Variants in PXDNL observed in about 807,000 individuals in gnomAD.
The protein encoded by PXDNL is probable oxidoreductase PXDNL.
A neutral mutation model predicts 150.8 loss-of-function variants in PXDNL; 145 were observed. The ratio of observed to expected loss-of-function variants is 0.96; its 90% CI spans 0.84 to 1.10. The LOEUF (loss-of-function observed/expected upper bound fraction) is 1.10. PXDNL is among the 50% of genes least tolerant of loss of function. The pLI is 0.00. For missense variants in PXDNL, 2,087 were observed against 1,873.9 expected (o/e 1.11, Z -2.10); for synonymous variants, 757 against 725.7 (o/e 1.04, Z -0.69).
rs780805670 is a variant in PXDNL, at chr8:51,409,588, A to T, written c.2063-27T>A. The T allele has an allele frequency of 1.1e-5, 17 of 1,509,634 alleles. No individual in the cohort carries two copies. In the African/African-American group the frequency reaches 2.1e-4, roughly 19 times the overall value. 93.5% of individuals were successfully genotyped at this position (1,509,634 alleles called of 1,614,324 possible). On this transcript the variant is annotated intron_variant, in intron 16 of 22. Coordinates refer to ENST00000356297, the MANE Select transcript of PXDNL (RefSeq NM_144651.5). ...TGAAAGGCAAGCGGCGAAAGCCGTG[A>T]GGAGGGCGGGCCTGGGAGGGCGCGG...
intron 12 of PXDNL, among the ~76,000 whole-genome samples, chr8:51,433,269 A>C: frequency 6.6e-6 from 1 of 150,510 alleles, no homozygotes; most frequent in Non-Finnish European, 1.5e-5. Flanking sequence ...CTAACATTTC[A>C]TCTTTAAAAA....
intron 2 of PXDNL, among the ~76,000 whole-genome samples, chr8:51,634,769 C>T (rs1043210058): frequency 2.0e-5 from 3 of 151,978 alleles, no homozygotes; most frequent in Non-Finnish European, 4.4e-5. Flanking sequence ...CTTGATATGG[C>T]TCCCGGTTTG....
intron 2 of PXDNL, among the ~76,000 whole-genome samples, chr8:51,623,218 G>T (rs1365293780): frequency 1.2e-4 from 18 of 152,166 alleles, no homozygotes; most frequent in African/African-American, 3.9e-4. Flanking sequence ...ATTCCCCAGG[G>T]CAGGGAACAG....
chr8:51,577,903 G>A (rs1813093124), intron 3 of PXDNL, among the ~76,000 whole-genome samples: 1 of 126,370 alleles, frequency 7.9e-6, no homozygotes, highest in Admixed American at 8.0e-5. Flanking sequence ...AAATAAGAAA[G>A]AAAGAGAAAG....
At chr8:51,654,140 T>G (rs1288413714) in intron 2 of PXDNL, among the ~76,000 whole-genome samples, 2 of 152,222 alleles carry the variant, frequency 1.3e-5, no homozygotes, top group Non-Finnish European at 2.9e-5. Flanking sequence ...TAGATACTGT[T>G]AAGTGAATAA....
chr8:51,712,572 T>C (rs2130902031), intron 1 of PXDNL, among the ~76,000 whole-genome samples: 1 of 152,352 alleles, frequency 6.6e-6, no homozygotes, highest in Non-Finnish European at 1.5e-5. Flanking sequence ...TAATTAACAT[T>C]TGTTGAATAA....
At chr8:51,535,110 C>T (rs1276673739) in intron 4 of PXDNL, among the ~76,000 whole-genome samples, 3 of 122,108 alleles carry the variant, frequency 2.5e-5, no homozygotes, top group Non-Finnish European at 4.9e-5. Flanking sequence ...GTCAGCCCCC[C>T]GCCCGGCCAG....
intron 8 of PXDNL, among the ~76,000 whole-genome samples, chr8:51,459,189 G>C (rs1052657443): frequency 6.6e-6 from 1 of 152,168 alleles, no homozygotes; most frequent in Non-Finnish European, 1.5e-5. Context: ...CAGCACTTTG[G>C]GAGGCCAAGG....
At chr8:51,571,802 T>A (rs941898602) in intron 3 of PXDNL, among the ~76,000 whole-genome samples, 1 of 151,814 alleles carries the variant, frequency 6.6e-6, no homozygotes, top group Admixed American at 6.6e-5. Flanking sequence ...ATAAAACTAA[T>A]CTGAAAATTC....
intron 19 of PXDNL, among the ~76,000 whole-genome samples, chr8:51,352,727 A>G (rs1164545813): frequency 2.0e-5 from 3 of 152,232 alleles, no homozygotes; most frequent in Non-Finnish European, 4.4e-5. Flanking sequence ...TAGTACCTCT[A>G]TAACAGTGTG....
At chr8:51,477,406 T>A (rs1055358568) in intron 6 of PXDNL, among the ~76,000 whole-genome samples, 1 of 152,216 alleles carries the variant, frequency 6.6e-6, no homozygotes, top group South Asian at 2.1e-4. Flanking sequence ...TCTGTCAGCC[T>A]TGTCGGGAGT....
rs780479556 is a variant in PXDNL, at chr8:51,578,121, GGAAA to G, written c.308+14502_308+14505del. ...GAAAGAAAAAGAAAGAAAGAAAGAA[GGAAA>G]GAAAGAAAGAGTGAGAGAGAGAGAA... On this transcript the variant is annotated intron_variant, in intron 3 of 22. Transcript: ENST00000356297. 1.7e-3 allele frequency among the ~76,000 whole-genome samples: 208 copies of G among 125,838 alleles called. 5 individuals are homozygous for G. The highest frequency in any genetic ancestry group is 5.6e-3 in the African/African-American group (167 of 29,952). 82.6% of individuals were successfully genotyped at this position (125,838 alleles called of 152,430 possible).
At chr8:51,381,115 T>C (rs1205969634) in intron 17 of PXDNL, among the ~76,000 whole-genome samples, 1 of 152,198 alleles carries the variant, frequency 6.6e-6, no homozygotes, top group Admixed American at 6.5e-5. Context: ...TTGTTTATTT[T>C]AATATCAAAA....
chr8:51,349,178 T>C (rs113594565), intron 19 of PXDNL, among the ~76,000 whole-genome samples: 2 of 39,734 alleles, frequency 5.0e-5, no homozygotes, highest in African/African-American at 8.5e-5. Context: ...TGTGTGGGGG[T>C]GTGTGTGTGT....
intron 12 of PXDNL, among the ~76,000 whole-genome samples, chr8:51,439,941 G>A (rs191668228): frequency 3.1e-4 from 47 of 151,778 alleles, no homozygotes; most frequent in African/African-American, 1.1e-3. Flanking sequence ...ACTTGCACAT[G>A]CAGGTTTATA....
Position 51,611,326 on chromosome 8 carries a change from C to T in PXDNL, c.237-18628G>A, listed in dbSNP as rs1013761910. Among the ~76,000 whole-genome samples the T allele has an allele frequency of 3.3e-5, 5 of 152,124 alleles. No individual in the cohort carries two copies. In the South Asian group the frequency reaches 6.2e-4, roughly 19 times the overall value. On this transcript the variant is annotated intron_variant, in intron 2 of 22. Transcript: ENST00000356297. ...AGCAATTTCAGCATAGCAGTTACTT[C>T]GATCATGAAAAAAGAATGTAACTGG...
chr8:51,608,042 AAAGAAAGAAAGAAAGC>A lies in PXDNL; in HGVS notation c.237-15360_237-15345del, dbSNP rs1206013893. On this transcript the variant is annotated intron_variant, in intron 2 of 22. Coordinates refer to ENST00000356297, the MANE Select transcript of PXDNL (RefSeq NM_144651.5). ...GAAAGAAAGAAAGAAAGAAAGAAAG[AAAGAAAGAAAGAAAGC>A]AAGCAAGCAAGCAAGCAAGCAAGCA... Among the ~76,000 whole-genome samples the A allele has an allele frequency of 1.0e-3, 134 of 133,022 alleles. 1 individual carries two copies. Among genetic ancestry groups the A allele is most frequent in the Non-Finnish European group, 1.6e-3 (100 of 61,928 alleles). The allele number at this position is 133,022 out of a possible 152,430, so 87.3% of individuals were successfully genotyped here.
chr8:51,614,555 G>A lies in PXDNL; in HGVS notation c.237-21857C>T, dbSNP rs1442505859. On this transcript the variant is annotated intron_variant, in intron 2 of 22. Coordinates refer to ENST00000356297, the MANE Select transcript of PXDNL (RefSeq NM_144651.5). ...ACCTATTCTGGTTGGGAGTAGAGATGACCAATTCACGAATTGTTACTTCCT... is the reference window on the plus strand; with the variant it reads ...ACCTATTCTGGTTGGGAGTAGAGATAACCAATTCACGAATTGTTACTTCCT... Among the ~76,000 whole-genome samples, 4 of 152,178 alleles carry A rather than the reference G, an allele frequency of 2.6e-5. No homozygotes were observed. In the East Asian group the frequency reaches 7.7e-4, roughly 29 times the overall value.
intron 2 of PXDNL, among the ~76,000 whole-genome samples, chr8:51,625,099 G>T (rs151013659): frequency 3.3e-5 from 5 of 151,990 alleles, no homozygotes; most frequent in African/African-American, 9.7e-5. Context: ...GTTACTGAAG[G>T]TACCTGAAAA....
Sources: gnomAD v4.1 joint callset for allele counts (sites outside exome capture counted in the v4.1 genomes callset) on GRCh38, gnomAD v4.1.1 for gene constraint, MANE v1.5 for transcripts, NCBI Gene and HGNC (gene_info 2026-07-23, HGNC 2026-07-21) for gene names.